PATL2: variants seen among roughly 807,000 people sequenced by gnomAD.
The protein encoded by PATL2 is protein PAT1 homolog 2.
A neutral mutation model predicts 77.0 loss-of-function variants in PATL2; 73 were observed. The ratio of observed to expected loss-of-function variants is 0.95; its 90% CI spans 0.78 to 1.15. PATL2 has a LOEUF of 1.15. PATL2 is among the 50% of genes most tolerant of loss of function. PATL2 has a pLI of 0.00. For missense variants in PATL2, 618 were observed against 655.4 expected, an observed-to-expected ratio of 0.94 and a Z score of 0.62; for synonymous variants, 265 against 257.1, an observed-to-expected ratio of 1.03 and a Z score of -0.29.
intron 3 of PATL2, among the ~76,000 whole-genome samples, chr15:44,695,124 G>A (rs938052397): frequency 3.9e-5 from 6 of 151,910 alleles, no homozygotes; most frequent in Non-Finnish European, 1.5e-5. Flanking sequence ...GGAGGTGGAG[G>A]TTGCAGTGAG....
chr15:44,671,936 G>A, intron 9 of PATL2, 79 bp downstream of exon 9: 1 of 1,496,624 alleles, frequency 6.7e-7, no homozygotes, highest in East Asian at 2.5e-5. Context: ...ATGAGCCGAA[G>A]AGAGGATCAG....
At chr15:44,677,930 C>G (rs982670293) in intron 3 of PATL2, among the ~76,000 whole-genome samples, 64 of 152,196 alleles carry the variant, frequency 4.2e-4, no homozygotes, top group African/African-American at 1.4e-3. Flanking sequence ...GCCTCCACCT[C>G]CCGGGTTCAA....
intron 9 of PATL2, 143 bp from the exon 10 acceptor site, chr15:44,670,230 C>G (rs1479722214): frequency 1.7e-6 from 2 of 1,170,058 alleles, no homozygotes; most frequent in Non-Finnish European, 2.3e-6. Context: ...GACAGCATCT[C>G]CCTCTGTCAC....
At chr15:44,675,113 AGTCCTT>A (rs2085887891) in intron 5 of PATL2, 2 of 211,444 alleles carry the variant, frequency 9.5e-6, no homozygotes, top group Non-Finnish European at 1.9e-5. Flanking sequence ...TCTACATAGG[AGTCCTT>A]GTCCTTCTCC....
chr15:44,686,398 C>T (rs1447883906), intron 3 of PATL2, among the ~76,000 whole-genome samples: 1 of 152,200 alleles, frequency 6.6e-6, no homozygotes, highest in Non-Finnish European at 1.5e-5. Context: ...CTCTGGGCCA[C>T]ATTTAAAGCA....
At chr15:44,677,235 A>G (rs1489799779) in intron 3 of PATL2, among the ~76,000 whole-genome samples, 1 of 152,086 alleles carries the variant, frequency 6.6e-6, no homozygotes, top group Non-Finnish European at 1.5e-5. Flanking sequence ...TTGGATAGGA[A>G]AGTCCTGGGT....
intron 3 of PATL2, among the ~76,000 whole-genome samples, chr15:44,706,406 C>T (rs921531517): frequency 3.3e-5 from 5 of 152,240 alleles, no homozygotes; most frequent in Admixed American, 2.0e-4. Context: ...GTGGCTCTTT[C>T]ACAGTCTGTT....
chr15:44,696,985 C>T (rs1043890093), intron 3 of PATL2, among the ~76,000 whole-genome samples: 2 of 152,206 alleles, frequency 1.3e-5, no homozygotes, highest in Non-Finnish European at 2.9e-5. Context: ...ATAGAATTAA[C>T]ACATAAGATT....
At position 44,667,219 on chromosome 15, in the gene PATL2, A is replaced by G. The variant is rs768757841; in HGVS notation, c.1366-16T>C. The G allele has an allele frequency of 4.5e-6, 7 of 1,542,342 alleles. No homozygotes were observed. The highest frequency in any genetic ancestry group is 1.7e-4 in the Middle Eastern group (1 of 5,978). On this transcript the variant is annotated splice_polypyrimidine_tract_variant and intron_variant, in intron 15 of 17. Coordinates refer to ENST00000682850, the MANE Select transcript of PATL2 (RefSeq NM_001387263.1). ...ATATTCCAAACTGCAAGGGACATAT[A>G]TATATTCCAGAGCAAAATGAGTTCA...
chr15:44,705,343 C>T (rs1000534981), intron 3 of PATL2, among the ~76,000 whole-genome samples: 1 of 152,018 alleles, frequency 6.6e-6, no homozygotes, highest in Non-Finnish European at 1.5e-5. Context: ...CTGCCACGTC[C>T]AGCTAATTTT....
intron 3 of PATL2, among the ~76,000 whole-genome samples, chr15:44,690,195 A>C (rs534126152): frequency 6.6e-6 from 1 of 152,304 alleles, no homozygotes; most frequent in East Asian, 1.9e-4. Flanking sequence ...GTCTCAAAAA[A>C]AAGTGAGTGT....
In PATL2 at chr15:44,666,375, T is replaced by C; in HGVS notation, c.1613+17A>G. On this transcript the variant is annotated intron_variant, in intron 17 of 17. Coordinates refer to ENST00000682850, the MANE Select transcript of PATL2 (RefSeq NM_001387263.1). ...GCTTGAACAAGGGGCTTTGACCTTG[T>C]TTCTGCCATTACTTACTCCATCCTG... is the stretch of plus-strand genomic sequence containing the variant. The C allele has an allele frequency of 6.4e-7, 1 of 1,551,628 alleles. No individual in the cohort carries two copies. Among genetic ancestry groups the C allele is most frequent in the Non-Finnish European group, 8.7e-7 (1 of 1,146,942 alleles).
At chr15:44,679,677 C>A (rs1348848317) in intron 3 of PATL2, among the ~76,000 whole-genome samples, 1 of 151,652 alleles carries the variant, frequency 6.6e-6, no homozygotes, top group Non-Finnish European at 1.5e-5. Flanking sequence ...CAGGCGTGAG[C>A]CACTGCGTCC....
intron 3 of PATL2, among the ~76,000 whole-genome samples, chr15:44,705,365 T>G (rs1179286340): frequency 6.6e-6 from 1 of 151,956 alleles, no homozygotes; most frequent in Non-Finnish European, 1.5e-5. Flanking sequence ...GTATTTTAGT[T>G]GAGACGGGGT....
intron 3 of PATL2, among the ~76,000 whole-genome samples, chr15:44,686,437 A>G (rs922047341): frequency 5.4e-4 from 83 of 152,372 alleles, no homozygotes; most frequent in African/African-American, 2.0e-3. Context: ...ATAGAACTAA[A>G]TGCCCACAAG....
intron 6 of PATL2, 132 bp from the exon 7 acceptor site, chr15:44,673,509 G>A: frequency 8.2e-7 from 1 of 1,214,168 alleles, no homozygotes; most frequent in Non-Finnish European, 1.1e-6. Flanking sequence ...CATCTTGTGA[G>A]TCCCTCAAGG....
chr15:44,676,795 A>C lies in PATL2; in HGVS notation c.-75-230T>G, dbSNP rs557470176. 178 of 1,200,914 alleles carry C rather than the reference A, an allele frequency of 1.5e-4. No individual in the cohort carries two copies. In the Admixed American group the frequency reaches 1.5e-3, roughly 10 times the overall value. 74.4% of individuals were successfully genotyped at this position (1,200,914 alleles called of 1,614,324 possible). ...AATGAGGCACAGGCTAGAAGCAGGAAGAGAAGTACTTCCCAACCGACATCA... is the reference window on the plus strand; with the variant it reads ...AATGAGGCACAGGCTAGAAGCAGGACGAGAAGTACTTCCCAACCGACATCA... On this transcript the variant is annotated intron_variant, in intron 3 of 17. Coordinates refer to ENST00000682850, the MANE Select transcript of PATL2 (RefSeq NM_001387263.1).
intron 3 of PATL2, among the ~76,000 whole-genome samples, chr15:44,694,208 A>G (rs2086455879): frequency 6.6e-6 from 1 of 152,186 alleles, no homozygotes; most frequent in South Asian, 2.1e-4. Flanking sequence ...CCGGGGATAG[A>G]TGGTGGAACC....
intron 3 of PATL2, among the ~76,000 whole-genome samples, chr15:44,706,097 A>C (rs150286988): frequency 6.6e-6 from 1 of 152,244 alleles, no homozygotes; most frequent in African/African-American, 2.4e-5. Flanking sequence ...ACCGTGCCTG[A>C]CCAAAACAGC....
Sources: allele counts gnomAD v4.1 joint callset (sites outside exome capture counted in the v4.1 genomes callset), GRCh38; gene constraint gnomAD v4.1.1; transcripts MANE v1.5; gene names NCBI Gene and HGNC (gene_info 2026-07-23, HGNC 2026-07-21).